RAP1GAP2: variants seen among roughly 807,000 people sequenced by gnomAD.
RAP1GAP2 encodes rap1 GTPase-activating protein 2.
Under a neutral mutation model 95.0 loss-of-function variants are expected in RAP1GAP2, and 27 were observed. That is an observed-to-expected ratio of 0.28 (90% CI 0.21 to 0.39). The LOEUF is 0.39. Ranked by LOEUF, RAP1GAP2 falls within the 10% of genes least tolerant of loss-of-function variation. The pLI is 1.00. For missense variants in RAP1GAP2, 771 were observed against 970.0 expected, an observed-to-expected ratio of 0.79 and a Z score of 2.72; for synonymous variants, 373 against 380.9, an observed-to-expected ratio of 0.98 and a Z score of 0.24.
chr17:2,781,736 G>C (rs985023074), intron 1 of RAP1GAP2, among the ~76,000 whole-genome samples: 1 of 141,674 alleles, frequency 7.1e-6, no homozygotes, highest in African/African-American at 2.7e-5. Flanking sequence ...GTGTGTGCAC[G>C]TCTCTGTGTG....
intron 8 of RAP1GAP2, among the ~76,000 whole-genome samples, chr17:2,973,698 T>C (rs2044971452): frequency 6.6e-6 from 1 of 152,128 alleles, no homozygotes; most frequent in Non-Finnish European, 1.5e-5. Flanking sequence ...AAAGAAGATA[T>C]GTGGATAATA....
intron 3 of RAP1GAP2, among the ~76,000 whole-genome samples, chr17:2,940,539 G>A (rs1411471512): frequency 1.3e-5 from 2 of 152,176 alleles, no homozygotes; most frequent in African/African-American, 2.4e-5. Flanking sequence ...TGCGGGTCCC[G>A]CCCTCTCTTC....
Position 3,029,643 on chromosome 17 carries a change from G to A in RAP1GAP2, c.2108-1279G>A, listed in dbSNP as rs2047229575. Among the ~76,000 whole-genome samples the A allele has an allele frequency of 1.3e-5, 2 of 152,152 alleles. No individual in the cohort carries two copies. Among genetic ancestry groups the A allele is most frequent in the Admixed American group, 1.3e-4 (2 of 15,274 alleles). On this transcript the variant is annotated intron_variant, in intron 22 of 24. Coordinates refer to ENST00000254695, the MANE Select transcript of RAP1GAP2 (RefSeq NM_015085.5). The surrounding 1 kb of genome is among the most constrained non-coding windows in gnomAD (Gnocchi z 4.4). ...ACACAGAGGTGTTGTAGCCCTGGGT[G>A]GAACTCCTCGATTCGAAGCACCACG...
chr17:3,003,326 G>A lies in RAP1GAP2; in HGVS notation c.1201-2043G>A, dbSNP rs956906364. Among the ~76,000 whole-genome samples, 2 of 152,046 alleles carry A rather than the reference G, an allele frequency of 1.3e-5. No individual in the cohort carries two copies. Among genetic ancestry groups the A allele is most frequent in the East Asian group, 1.9e-4 (1 of 5,178 alleles). On this transcript the variant is annotated intron_variant, in intron 14 of 24. Transcript: ENST00000254695. The surrounding 1 kb of genome is among the most constrained non-coding windows in gnomAD (Gnocchi z 4.1). ...AGTGTAGTCCTCATCCTGCCTGCTT[G>A]GAAGGAAAGTCCAGCTCAGCCATCA...
At chr17:2,799,302 G>A (rs1405048237) in intron 1 of RAP1GAP2, among the ~76,000 whole-genome samples, 1 of 152,192 alleles carries the variant, frequency 6.6e-6, no homozygotes, top group African/African-American at 2.4e-5. Context: ...TCAAGAGGAC[G>A]TGTGAGGAAG....
rs575015995 is a variant in RAP1GAP2, at chr17:3,029,161, A to C, written c.2108-1761A>C. On this transcript the variant is annotated intron_variant, in intron 22 of 24. Transcript: ENST00000254695. The surrounding 1 kb of genome is among the most constrained non-coding windows in gnomAD (Gnocchi z 4.4). ...GACTTAAATATTGAAGGAATGAATGAAAGAATCTGTAAGCAAGCCTGGCCC... is the reference window on the plus strand; with the variant it reads ...GACTTAAATATTGAAGGAATGAATGCAAGAATCTGTAAGCAAGCCTGGCCC... 1.3e-5 allele frequency among the ~76,000 whole-genome samples: 2 copies of C among 152,274 alleles called. No individual in the cohort carries two copies. Among genetic ancestry groups the C allele is most frequent in the South Asian group, 4.1e-4 (2 of 4,822 alleles).
intron 1 of RAP1GAP2, among the ~76,000 whole-genome samples, chr17:2,798,003 C>G (rs1432755469): frequency 6.6e-6 from 1 of 152,158 alleles, no homozygotes. Flanking sequence ...CATATGAAGC[C>G]CTCTGTGTTG....
chr17:2,991,321 A>G lies in RAP1GAP2; in HGVS notation c.838A>G (p.Asn280Asp). ...RQTLEEELFG[N>D]NEESPAFKEF... ...GACCCTGGAGGAGGAGCTATTTGGGAACAATGAGGAGAGCCCAGCTTTTAA... is the reference window on the plus strand; with the variant it reads ...GACCCTGGAGGAGGAGCTATTTGGGGACAATGAGGAGAGCCCAGCTTTTAA... The change falls in exon 12 of 25, where the codon AAC becomes GAC. Residue 280 changes from asparagine to aspartate, a missense_variant. Physicochemically the swap from Asn to Asp is conservative, Grantham distance 23. Coordinates refer to ENST00000254695, the MANE Select transcript of RAP1GAP2 (RefSeq NM_015085.5). 1 of 1,605,208 alleles carries G rather than the reference A, an allele frequency of 6.2e-7. No homozygotes were observed.
At chr17:2,925,524 G>A (rs1032533763) in intron 3 of RAP1GAP2, among the ~76,000 whole-genome samples, 4 of 152,116 alleles carry the variant, frequency 2.6e-5, no homozygotes, top group Non-Finnish European at 4.4e-5. Context: ...GGGGAAAACC[G>A]CTCCCTCGCT....
intron 2 of RAP1GAP2, among the ~76,000 whole-genome samples, chr17:2,815,995 C>T (rs1022338172): frequency 1.3e-5 from 2 of 152,202 alleles, no homozygotes; most frequent in African/African-American, 2.4e-5. Context: ...TGTGTGTACA[C>T]AAGGCCCAGA....
chr17:2,993,054 CAAAA>C (rs1157432511), intron 12 of RAP1GAP2, among the ~76,000 whole-genome samples: 3 of 103,040 alleles, frequency 2.9e-5, no homozygotes, highest in Non-Finnish European at 4.2e-5. Flanking sequence ...ACTAAAAATA[CAAAA>C]AAAAAAAAAA....
intron 17 of RAP1GAP2, among the ~76,000 whole-genome samples, chr17:3,011,151 C>A (rs989312019): frequency 6.6e-6 from 1 of 152,190 alleles, no homozygotes; most frequent in African/African-American, 2.4e-5. Context: ...TGGTCTCGAA[C>A]TCCTGACCTC....
intron 9 of RAP1GAP2, 103 bp from the exon 10 acceptor site, chr17:2,981,092 C>G: frequency 9.3e-7 from 1 of 1,071,672 alleles, no homozygotes; most frequent in Non-Finnish European, 1.4e-6. Context: ...CCTCCTGACC[C>G]ATGTGCCTCG....
rs1259472840 is a variant in RAP1GAP2 at position 2,771,485 on chromosome 17, TG to T, written c.167+1041del. ...ACTTTCCCCATCAAAGCCACTTTTTTGTTTTTTTTTTTTGTTTTTTTTTTTT... is the reference window on the plus strand; with the variant it reads ...ACTTTCCCCATCAAAGCCACTTTTTTTTTTTTTTTTTTGTTTTTTTTTTTT... On this transcript the variant is annotated intron_variant, in intron 2 of 25. Transcript: ENST00000637138. Among the ~76,000 whole-genome samples the T allele has an allele frequency of 3.2e-3, 452 of 143,170 alleles. 2 individuals are homozygous for T. Among genetic ancestry groups the T allele is most frequent in the African/African-American group, 0.011 (425 of 37,634 alleles). The allele number at this position is 143,170 out of a possible 152,430, so 93.9% of individuals were successfully genotyped here. A position where few individuals can be genotyped will look rare whatever the true frequency, so the allele number is the denominator to read the frequency against.
At chr17:2,938,211 T>C (rs927224353) in intron 3 of RAP1GAP2, among the ~76,000 whole-genome samples, 3 of 152,122 alleles carry the variant, frequency 2.0e-5, no homozygotes, top group Non-Finnish European at 4.4e-5. Context: ...TTTATAGATA[T>C]AGAAACTGAG....
intron 2 of RAP1GAP2, among the ~76,000 whole-genome samples, chr17:2,891,561 C>T (rs924955941): frequency 1.5e-4 from 23 of 151,584 alleles, no homozygotes; most frequent in African/African-American, 4.4e-4. Context: ...TTCTTTCCCC[C>T]AGGAGATCTC....
chr17:2,838,617 A>G (rs964476138), intron 2 of RAP1GAP2, among the ~76,000 whole-genome samples: 2 of 152,116 alleles, frequency 1.3e-5, no homozygotes, highest in Admixed American at 1.3e-4. Context: ...CCCTTTGCTC[A>G]TTCTCCGAGC....
In RAP1GAP2 at chr17:3,035,711, G is replaced by A. The variant is rs749669789; in HGVS notation, c.*2350G>A. On this transcript the variant is annotated 3_prime_UTR_variant, in exon 25 of 25. Transcript: ENST00000254695. This position sits in a 1 kb window ranked among gnomAD's most constrained non-coding sequence, Gnocchi z 4.3. ...TGTGCACTTCCAGCCCACCCGGGCAGTGCTGAGAGGGAGGAGGAGAACAAG... is the reference window on the plus strand; with the variant it reads ...TGTGCACTTCCAGCCCACCCGGGCAATGCTGAGAGGGAGGAGGAGAACAAG... 6.6e-6 allele frequency: 1 copy of A among 152,308 alleles called. No homozygotes were observed. The highest frequency in any genetic ancestry group is 2.4e-5 in the African/African-American group (1 of 41,450). The allele number at this position is 152,308 out of a possible 1,614,324, so 9.4% of individuals were successfully genotyped here.
At chr17:2,941,626 A>G (rs1406126634) in intron 3 of RAP1GAP2, among the ~76,000 whole-genome samples, 1 of 147,924 alleles carries the variant, frequency 6.8e-6, no homozygotes, top group African/African-American at 2.5e-5. Context: ...GGAGGATTGG[A>G]TGTGGAGGAT....
Sources: allele counts gnomAD v4.1 joint callset (sites outside exome capture counted in the v4.1 genomes callset), GRCh38; gene constraint gnomAD v4.1.1; non-coding constraint Gnocchi (gnomAD v3.1); transcripts MANE v1.5; gene names NCBI Gene and HGNC (gene_info 2026-07-23, HGNC 2026-07-21).